The following RAB37 variants were observed in gnomAD, a reference collection of about 807,000 sequenced individuals.
The protein encoded by RAB37 is ras-related protein Rab-37.
RAB37 carries 29 observed loss-of-function variants against 33.1 expected under a neutral mutation model. That is an observed-to-expected ratio of 0.88 (90% confidence interval 0.65 to 1.20). The LOEUF (loss-of-function observed/expected upper bound fraction) is 1.20, where lower values mean the gene tolerates loss of function less well. Ranked by LOEUF, RAB37 falls within the 50% of genes most tolerant of loss-of-function variation. RAB37 has a pLI of 0.00. For synonymous variants in RAB37, 128 were observed against 119.5 expected (o/e 1.07, Z -0.47); for missense variants, 299 against 301.1 (o/e 0.99, Z 0.05).
At chr17:74,737,701 G>C (rs1006814372) in intron 1 of RAB37, among the ~76,000 whole-genome samples, 3 of 152,202 alleles carry the variant, frequency 2.0e-5, no homozygotes, top group Non-Finnish European at 4.4e-5. Flanking sequence ...GGCTGGGAAG[G>C]GCTGGGAGAT....
intron 1 of RAB37, among the ~76,000 whole-genome samples, chr17:74,681,986 C>G (rs2031964378): frequency 6.6e-6 from 1 of 152,208 alleles, no homozygotes; most frequent in South Asian, 2.1e-4. Context: ...GCTTTGAGTA[C>G]CAAAGAACCA....
chr17:74,679,862 C>T (rs932025562), intron 1 of RAB37, among the ~76,000 whole-genome samples: 1 of 151,626 alleles, frequency 6.6e-6, no homozygotes, highest in Non-Finnish European at 1.5e-5. Flanking sequence ...CCTGTAATCC[C>T]AGCTACTCAG....
chr17:74,695,265 G>T, intron 1 of RAB37: 1 of 1,613,570 alleles, frequency 6.2e-7, no homozygotes, highest in Non-Finnish European at 8.5e-7. Flanking sequence ...CAGCAAAGGC[G>T]GGCTCCAGGT....
At chr17:74,693,237 G>A (rs1665661469) in intron 1 of RAB37, among the ~76,000 whole-genome samples, 1 of 152,202 alleles carries the variant, frequency 6.6e-6, no homozygotes. Context: ...AGGAGGAATA[G>A]CAAATGCCAA....
rs1376325064 is a variant in RAB37, at chr17:74,704,351, G to C, written c.73-24905G>C. The C allele has an allele frequency of 2.8e-5, 20 of 719,566 alleles. No homozygotes were observed. The Admixed American group carries it at 5.2e-4, about 19-fold the overall frequency. The allele number at this position is 719,566 out of a possible 1,614,324, so 44.6% of individuals were successfully genotyped here. On this transcript the variant is annotated intron_variant, in intron 1 of 7. Transcript: ENST00000340415. Reference sequence around the variant, plus strand: ...TCCCCCAGTCCCAGGTGGTCAGTCAGGGTTCTATGAGACTCGGGACTCAAG... The same window carrying C: ...TCCCCCAGTCCCAGGTGGTCAGTCACGGTTCTATGAGACTCGGGACTCAAG...
At chr17:74,702,185 T>C (rs1346387392) in intron 1 of RAB37, among the ~76,000 whole-genome samples, 1 of 151,942 alleles carries the variant, frequency 6.6e-6, no homozygotes, top group Admixed American at 6.6e-5. Flanking sequence ...TTGGCAGATC[T>C]AAAAACAAAG....
intron 1 of RAB37, among the ~76,000 whole-genome samples, chr17:74,679,251 G>A (rs2031904408): frequency 6.6e-6 from 1 of 152,140 alleles, no homozygotes; most frequent in African/African-American, 2.4e-5. Flanking sequence ...AGTACCCCTA[G>A]GGGAGAGTCA....
intron 1 of RAB37, among the ~76,000 whole-genome samples, chr17:74,725,280 G>A (rs1239260692): frequency 2.6e-5 from 4 of 152,104 alleles, no homozygotes; most frequent in East Asian, 1.9e-4. Context: ...GTTGAGTGGC[G>A]AGAGAAGACA....
At chr17:74,690,577 A>G (rs1432754661) in intron 1 of RAB37, among the ~76,000 whole-genome samples, 1 of 152,190 alleles carries the variant, frequency 6.6e-6, no homozygotes, top group Admixed American at 6.5e-5. Flanking sequence ...TATAGACATT[A>G]TGAAACAATT....
intron 1 of RAB37, among the ~76,000 whole-genome samples, chr17:74,707,201 T>C (rs1443180862): frequency 6.6e-6 from 1 of 152,104 alleles, no homozygotes; most frequent in Admixed American, 6.6e-5. Flanking sequence ...AGCGACAACC[T>C]ACAGAGTGAG....
chr17:74,702,326 A>T (rs1257346691), intron 1 of RAB37, among the ~76,000 whole-genome samples: 3 of 151,776 alleles, frequency 2.0e-5, no homozygotes, highest in African/African-American at 7.3e-5. Context: ...GAGCCCAGAG[A>T]CTTCCATCCA....
At chr17:74,695,128 G>A in intron 1 of RAB37, 3 of 1,614,136 alleles carry the variant, frequency 1.9e-6, no homozygotes, top group Non-Finnish European at 2.5e-6. Flanking sequence ...TATTCCGTGG[G>A]CTCCTCAGGG....
intron 1 of RAB37, chr17:74,695,882 G>C (rs1439290080): frequency 2.5e-6 from 4 of 1,607,948 alleles, no homozygotes; most frequent in Middle Eastern, 1.7e-4. Context: ...ACACAGGCTG[G>C]GGAGTCACAA....
chr17:74,711,950 G>A, intron 1 of RAB37, among the ~76,000 whole-genome samples: 1 of 126,012 alleles, frequency 7.9e-6, no homozygotes, highest in Non-Finnish European at 1.6e-5. Flanking sequence ...TGTCACCCAT[G>A]CTGGAAGGCA....
intron 1 of RAB37, chr17:74,695,145 C>A (rs1395266749): frequency 1.9e-6 from 3 of 1,614,148 alleles, no homozygotes; most frequent in South Asian, 2.2e-5. Context: ...AGGGCCCCTG[C>A]CGGGGAGGTG....
Position 74,687,883 on chromosome 17 carries a change from G to A in RAB37, c.72+16225G>A, listed in dbSNP as rs148993713. Reference sequence around the variant, plus strand: ...AAGTACCAACTGATGTGTAGGAAACGATACACACACATCAGTAGATGTTGG... The same window carrying A: ...AAGTACCAACTGATGTGTAGGAAACAATACACACACATCAGTAGATGTTGG... On this transcript the variant is annotated intron_variant, in intron 1 of 7. Transcript: ENST00000340415. 3.5e-3 allele frequency among the ~76,000 whole-genome samples: 530 copies of A among 152,272 alleles called. 3 individuals are homozygous for A. Among genetic ancestry groups the A allele is most frequent in the African/African-American group, 0.012 (496 of 41,548 alleles).
At chr17:74,734,100 C>T (rs1353340800), upstream of RAB37, among the ~76,000 whole-genome samples, 2 of 152,190 alleles carry the variant, frequency 1.3e-5, no homozygotes, top group African/African-American at 4.8e-5. Flanking sequence ...CAACGTGAAC[C>T]ACAGCTGGAG....
rs2034780786 is a variant in RAB37, at chr17:74,747,204, GC to G, written c.*1794del. 6.6e-6 allele frequency: 1 copy of G among 152,292 alleles called. No homozygotes were observed. The highest frequency in any genetic ancestry group is 2.1e-4 in the South Asian group (1 of 4,836). 9.4% of individuals were successfully genotyped at this position (152,292 alleles called of 1,614,324 possible). A position where few individuals can be genotyped will look rare whatever the true frequency, so the allele number is the denominator to read the frequency against. The stretch of plus-strand genomic sequence containing the variant: ...TTCTCCGTGGCCTCCCTCAGGCAGA[GC>G]AGGGAGGAGGCTGACATTGCCAGTC... On this transcript the variant is annotated 3_prime_UTR_variant, in exon 9 of 9. Coordinates refer to ENST00000392613, the MANE Select transcript of RAB37 (RefSeq NM_001006638.3).
rs199750680 is a variant in RAB37, at chr17:74,740,864, G to C, written c.190G>C (p.Gly64Arg). ...FLSGTFIATV[G>R]IDFRNKVVTV... ...GTCCGGAACCTTCATAGCCACCGTC[G>C]GCATAGACTTCAGGGTGAGGTGGCT... The change falls in exon 2 of 9, where the codon GGC becomes CGC. Residue 64 changes from glycine to arginine, a missense_variant. Transcript: ENST00000392613. The C allele has an allele frequency of 2.5e-6, 4 of 1,612,340 alleles. No individual in the cohort carries two copies. Among genetic ancestry groups the C allele is most frequent in the Non-Finnish European group, 3.4e-6 (4 of 1,178,462 alleles).
Sources: allele counts gnomAD v4.1 joint callset (sites outside exome capture counted in the v4.1 genomes callset), GRCh38; gene constraint gnomAD v4.1.1; transcripts MANE v1.5; gene names NCBI Gene and HGNC (gene_info 2026-07-23, HGNC 2026-07-21).